PBRM1: variants seen among roughly 807,000 people sequenced by gnomAD.
PBRM1 encodes polybromo 1.
In PBRM1, 27 loss-of-function variants were observed where a neutral mutation model predicts 194.5. The observed-to-expected ratio is 0.14, with a 90% CI of 0.10 to 0.19. PBRM1 has a LOEUF of 0.19. Among genes scored for constraint, PBRM1 ranks in the 10% least tolerant of loss-of-function variants. PBRM1 has a pLI of 1.00. For missense variants in PBRM1, 1,466 were observed against 2,077.2 expected (o/e 0.71, Z 5.72); for synonymous variants, 655 against 693.2 (o/e 0.94, Z 0.87).
At chr3:52,582,509 A>C (rs2091500381) in intron 20 of PBRM1, among the ~76,000 whole-genome samples, 1 of 149,480 alleles carries the variant, frequency 6.7e-6, no homozygotes, top group South Asian at 2.1e-4. Context: ...TACTGGGTTC[A>C]AGTGATTCTC....
chr3:52,674,529 C>G (rs2097043064), intron 2 of PBRM1, among the ~76,000 whole-genome samples: 2 of 146,198 alleles, frequency 1.4e-5, no homozygotes, highest in South Asian at 4.3e-4. Flanking sequence ...GTGGCTCACA[C>G]TTGTGATCCT....
At chr3:52,557,632 T>C (rs184808827) in intron 26 of PBRM1, among the ~76,000 whole-genome samples, 1 of 149,154 alleles carries the variant, frequency 6.7e-6, no homozygotes, top group East Asian at 2.0e-4. Context: ...TTTTTTTTTT[T>C]CTTAAATATG....
intron 6 of PBRM1, among the ~76,000 whole-genome samples, chr3:52,650,273 G>C (rs1452867941): frequency 7.0e-6 from 1 of 143,758 alleles, no homozygotes; most frequent in Non-Finnish European, 1.5e-5. Flanking sequence ...TGAGGCAGGA[G>C]AATGACTTGA....
At chr3:52,664,566 T>C (rs1469256819) in intron 3 of PBRM1, among the ~76,000 whole-genome samples, 1 of 151,540 alleles carries the variant, frequency 6.6e-6, no homozygotes, top group Admixed American at 6.6e-5. Context: ...TGAAACCCTG[T>C]CTCTACTAAA....
chr3:52,573,584 C>T (rs1374752055), intron 22 of PBRM1, among the ~76,000 whole-genome samples: 1 of 152,184 alleles, frequency 6.6e-6, no homozygotes, highest in Non-Finnish European at 1.5e-5. Context: ...CATGAGCCAC[C>T]ATGCCCGGCC....
chr3:52,546,659 C>T (rs1469479027), downstream of PBRM1: 1 of 232,184 alleles, frequency 4.3e-6, no homozygotes, highest in African/African-American at 2.2e-5. Flanking sequence ...GGCAATCACC[C>T]AGTTACTATA....
exon 7 of PBRM1, chr3:52,648,436 T>C (rs762910140): frequency 1.3e-6 from 2 of 1,587,210 alleles, no homozygotes; most frequent in Non-Finnish European, 1.7e-6. Context: ...CTTTTGTAGC[T>C]TCCATTCTAC....
chr3:52,665,499 G>A (rs536428583), intron 3 of PBRM1, among the ~76,000 whole-genome samples: 1 of 152,194 alleles, frequency 6.6e-6, no homozygotes, highest in African/African-American at 2.4e-5. Context: ...CCAACCCCCA[G>A]CCCACGAACA....
intron 15 of PBRM1, among the ~76,000 whole-genome samples, chr3:52,613,238 T>C (rs1021488459): frequency 6.6e-6 from 1 of 152,088 alleles, no homozygotes; most frequent in Non-Finnish European, 1.5e-5. Context: ...TTAAAATAAT[T>C]TAGGAAAAGA....
At chr3:52,557,583 AAC>A (rs1256814533) in intron 26 of PBRM1, among the ~76,000 whole-genome samples, 1 of 152,058 alleles carries the variant, frequency 6.6e-6, no homozygotes, top group Non-Finnish European at 1.5e-5. Context: ...AACCAGAGAC[AAC>A]ACACACAGAC....
Position 52,678,484 on chromosome 3 carries a change from T to C in PBRM1, c.236+16A>G, listed in dbSNP as rs1200361309. 8 of 1,540,538 alleles carry C rather than the reference T, an allele frequency of 5.2e-6. No homozygotes were observed. In the East Asian group the frequency reaches 1.3e-4, roughly 26 times the overall value. On this transcript the variant is annotated intron_variant, in intron 2 of 29. Coordinates refer to ENST00000296302, the Ensembl canonical transcript of PBRM1. ...ACCAAATCCCCCGCAACTGTACTGA[T>C]GTGCTTCGAACTCACCTTCGCTTTG...
intron 10 of PBRM1, among the ~76,000 whole-genome samples, chr3:52,635,257 AT>A (rs2095763258): frequency 6.6e-6 from 1 of 152,072 alleles, no homozygotes; most frequent in African/African-American, 2.4e-5. Context: ...GATAAAGGGA[AT>A]AATTACTTTA....
intron 12 of PBRM1, 72 bp from the exon 14 acceptor site, chr3:52,627,442 G>A (rs766608005): frequency 1.2e-6 from 1 of 851,510 alleles, no homozygotes; most frequent in Non-Finnish European, 2.0e-6. Context: ...ATGTTAAAGA[G>A]CTAGACATAT....
intron 17 of PBRM1, 87 bp from the exon 20 acceptor site, chr3:52,589,342 T>C (rs941452632): frequency 2.7e-6 from 2 of 741,406 alleles, no homozygotes; most frequent in Non-Finnish European, 4.2e-6. Context: ...CAACACATAC[T>C]AATAATACAT....
intron 20 of PBRM1, among the ~76,000 whole-genome samples, chr3:52,584,827 T>A (rs1229949938): frequency 1.3e-5 from 2 of 152,172 alleles, no homozygotes; most frequent in Non-Finnish European, 2.9e-5. Flanking sequence ...TCAAAAAATA[T>A]TAAGTAACAC....
chr3:52,611,077 G>A (rs2094581737), intron 15 of PBRM1, among the ~76,000 whole-genome samples: 1 of 152,096 alleles, frequency 6.6e-6, no homozygotes, highest in Non-Finnish European at 1.5e-5. Context: ...ACAACAAAAT[G>A]GGTAAATATT....
chr3:52,636,827 C>A (rs1338989150), intron 10 of PBRM1, among the ~76,000 whole-genome samples: 4 of 136,600 alleles, frequency 2.9e-5, no homozygotes, highest in Admixed American at 7.7e-5. Context: ...CACTTGTAAT[C>A]CTGCCTGGGC....
chr3:52,609,769 A>G lies in PBRM1; in HGVS notation c.2111T>C (p.Met704Thr), dbSNP rs2153424298. 6.2e-7 allele frequency: 1 copy of G among 1,610,074 alleles called. No homozygotes were observed. Among genetic ancestry groups the G allele is most frequent in the Non-Finnish European group, 8.5e-7 (1 of 1,178,730 alleles). ...GTGACTTCGAATTTTTTCCATGTCC[A>G]TGGGCTTTTTAATAGTCAGATAGTA... The change falls in exon 16 of 30, where the codon ATG becomes ACG. Residue 704 changes from methionine (M) to threonine (T), a missense_variant. Met to Thr is a moderately conservative substitution (Grantham distance 81, BLOSUM62 -1). Coordinates refer to ENST00000296302, the Ensembl canonical transcript of PBRM1. The surrounding 1 kb of genome is among the most constrained non-coding windows in gnomAD (Gnocchi z 4.1).
intron 16 of PBRM1, among the ~76,000 whole-genome samples, chr3:52,604,958 AAAATAAATAAAT>A (rs144080973): frequency 6.2e-5 from 9 of 145,672 alleles, no homozygotes; most frequent in African/African-American, 1.5e-4. Flanking sequence ...ACTCTGTCCC[AAAATAAATAAAT>A]AAATAAATAA....
Sources: gnomAD v4.1 joint callset for allele counts (sites outside exome capture counted in the v4.1 genomes callset) on GRCh38, gnomAD v4.1.1 for gene constraint, Gnocchi (gnomAD v3.1) non-coding constraint, MANE v1.5 for transcripts, NCBI Gene and HGNC (gene_info 2026-07-23, HGNC 2026-07-21) for gene names.